The following EBF2 variants were observed in gnomAD, a reference collection of about 807,000 sequenced individuals.
EBF2 encodes transcription factor COE2.
In EBF2, 21 loss-of-function variants were observed where a neutral mutation model predicts 72.8. That is an observed-to-expected ratio of 0.29 (90% confidence interval 0.20 to 0.42). The LOEUF (loss-of-function observed/expected upper bound fraction) is 0.42, where lower values mean the gene tolerates loss of function less well. Among genes scored for constraint, EBF2 ranks in the 10% least tolerant of loss-of-function variants. The pLI, the probability that EBF2 is intolerant of heterozygous loss-of-function variation, is 1.00. For synonymous variants in EBF2, 299 were observed against 274.2 expected, an observed-to-expected ratio of 1.09 and a Z score of -0.89; for missense variants, 637 against 731.2, an observed-to-expected ratio of 0.87 and a Z score of 1.49.
intron 6 of EBF2, among the ~76,000 whole-genome samples, chr8:25,919,174 A>C (rs1803270584): frequency 6.6e-6 from 1 of 152,206 alleles, no homozygotes; most frequent in African/African-American, 2.4e-5. Context: ...AGAGTTTTCC[A>C]ACCAAGCATC....
rs372390604 is a variant in EBF2 at position 25,928,754 on chromosome 8, A to G, written c.552-20199T>C. The stretch of plus-strand genomic sequence containing the variant: ...GTCAGGCACTAGGCTACATGGGATA[A>G]TGATTAATAATAAAATGATTTTTAA... On this transcript the variant is annotated intron_variant, in intron 6 of 15. Coordinates refer to ENST00000520164, the MANE Select transcript of EBF2 (RefSeq NM_022659.4). Among the ~76,000 whole-genome samples, 12 of 146,608 alleles carry G rather than the reference A, an allele frequency of 8.2e-5. No individual in the cohort carries two copies. The East Asian group carries it at 2.1e-3, about 25-fold the overall frequency.
At position 25,964,507 on chromosome 8, in the gene EBF2, G is replaced by A. The variant is rs554470210; in HGVS notation, c.552-55952C>T. 3.9e-5 allele frequency among the ~76,000 whole-genome samples: 6 copies of A among 152,246 alleles called. No homozygotes were observed. In the South Asian group the frequency reaches 6.2e-4, roughly 16 times the overall value. On this transcript the variant is annotated intron_variant, in intron 6 of 15. Coordinates refer to ENST00000520164, the MANE Select transcript of EBF2 (RefSeq NM_022659.4). The stretch of plus-strand genomic sequence containing the variant: ...GAGAACAATGTATCCTTCTCAATCT[G>A]GGTCGAGGGAACAAAACAGGACTGG...
At chr8:25,933,726 ATAAT>A (rs1345756986) in intron 6 of EBF2, among the ~76,000 whole-genome samples, 1 of 152,218 alleles carries the variant, frequency 6.6e-6, no homozygotes, top group Non-Finnish European at 1.5e-5. Flanking sequence ...GAAATACTAC[ATAAT>A]TATTTAAATT....
At chr8:26,013,202 A>G (rs987388027) in intron 6 of EBF2, among the ~76,000 whole-genome samples, 1 of 152,238 alleles carries the variant, frequency 6.6e-6, no homozygotes, top group Non-Finnish European at 1.5e-5. Context: ...ATAGATGTGA[A>G]TTAACTGATG....
intron 6 of EBF2, among the ~76,000 whole-genome samples, chr8:25,947,882 CT>C (rs1803798155): frequency 6.6e-6 from 1 of 152,234 alleles, no homozygotes; most frequent in Non-Finnish European, 1.5e-5. Context: ...CGGGGCAGAC[CT>C]TGATAAACAA....
rs371661499 is a variant in EBF2 at position 25,936,937 on chromosome 8, C to T, written c.552-28382G>A. Among the ~76,000 whole-genome samples the T allele has an allele frequency of 9.4e-5, 14 of 148,846 alleles. No homozygotes were observed. In the East Asian group the frequency reaches 2.1e-3, roughly 23 times the overall value. ...ATACCACACACAGTATAGTTCTTCT[C>T]CACTTAATTCCTATTAAAGACCGAT... is the stretch of plus-strand genomic sequence containing the variant. On this transcript the variant is annotated intron_variant, in intron 6 of 15. Coordinates refer to ENST00000520164, the MANE Select transcript of EBF2 (RefSeq NM_022659.4).
At chr8:25,955,293 A>C (rs1007683710) in intron 6 of EBF2, among the ~76,000 whole-genome samples, 4 of 152,188 alleles carry the variant, frequency 2.6e-5, no homozygotes, top group African/African-American at 9.7e-5. Context: ...GGGGTATAAG[A>C]AGGGCCTAGA....
At chr8:25,886,377 A>T (rs1460870567) in intron 10 of EBF2, among the ~76,000 whole-genome samples, 1 of 152,232 alleles carries the variant, frequency 6.6e-6, no homozygotes, top group African/African-American at 2.4e-5. Context: ...AATACTTTGA[A>T]TTGCTCTCCA....
chr8:26,027,592 A>G (rs73675791), intron 6 of EBF2, among the ~76,000 whole-genome samples: 68 of 152,366 alleles, frequency 4.5e-4, no homozygotes, highest in African/African-American at 1.6e-3. Context: ...TGTAATTACC[A>G]TCTAGTCCAG....
At chr8:25,897,818 A>G (rs1563392869) in intron 7 of EBF2, among the ~76,000 whole-genome samples, 1 of 152,240 alleles carries the variant, frequency 6.6e-6, no homozygotes, top group Non-Finnish European at 1.5e-5. Flanking sequence ...TGCAGCAATG[A>G]ACATACAAAT....
At chr8:26,033,455 C>T (rs908185293) in intron 5 of EBF2, among the ~76,000 whole-genome samples, 2 of 152,190 alleles carry the variant, frequency 1.3e-5, no homozygotes, top group Non-Finnish European at 1.5e-5. Flanking sequence ...GTCTTGAACT[C>T]CTGACCTCAG....
rs1042720595 is a variant in EBF2, at chr8:25,902,437, G to A, written c.633+6037C>T. ...GGATTTAGATACTTTGAGGAGCCCT[G>A]GAAATCTTAAGTTTGTTTTCTCTTT... On this transcript the variant is annotated intron_variant, in intron 7 of 15. Transcript: ENST00000520164. 2.6e-5 allele frequency among the ~76,000 whole-genome samples: 4 copies of A among 151,984 alleles called. No homozygotes were observed. In the South Asian group the frequency reaches 6.2e-4, roughly 24 times the overall value.
intron 6 of EBF2, among the ~76,000 whole-genome samples, chr8:25,972,544 C>A (rs1351838507): frequency 6.6e-6 from 1 of 152,116 alleles, no homozygotes; most frequent in Non-Finnish European, 1.5e-5. Context: ...ACACAAAATC[C>A]TTGGATTATT....
chr8:26,032,081 C>G (rs1359257799), intron 6 of EBF2: 1 of 152,194 alleles, frequency 6.6e-6, no homozygotes, highest in Non-Finnish European at 1.5e-5. Flanking sequence ...TTGAAGCCTA[C>G]AGAAGTGACT....
chr8:26,026,197 AG>A (rs1225788822), intron 6 of EBF2, among the ~76,000 whole-genome samples: 1 of 152,082 alleles, frequency 6.6e-6, no homozygotes, highest in African/African-American at 2.4e-5. Flanking sequence ...TTTTTTTAAT[AG>A]CCTGGGGCCA....
At chr8:25,926,292 C>G (rs998521382) in intron 6 of EBF2, among the ~76,000 whole-genome samples, 7 of 152,152 alleles carry the variant, frequency 4.6e-5, no homozygotes, top group Non-Finnish European at 1.0e-4. Context: ...GCTGGCTCCC[C>G]CACTTTCACT....
chr8:25,857,185 G>C (rs1262093172), intron 14 of EBF2, among the ~76,000 whole-genome samples: 2 of 152,078 alleles, frequency 1.3e-5, no homozygotes, highest in African/African-American at 4.8e-5. Context: ...TTTGCAGTAA[G>C]AAGATTTTCA....
At chr8:25,866,535 T>C (rs1319765839) in intron 10 of EBF2, among the ~76,000 whole-genome samples, 3 of 143,446 alleles carry the variant, frequency 2.1e-5, no homozygotes, top group Non-Finnish European at 4.5e-5. Flanking sequence ...AAATATATAA[T>C]ATATATTATA....
At chr8:25,993,372 C>T (rs188847491) in intron 6 of EBF2, among the ~76,000 whole-genome samples, 1 of 152,358 alleles carries the variant, frequency 6.6e-6, no homozygotes, top group Non-Finnish European at 1.5e-5. Flanking sequence ...CTAACAGCCC[C>T]TATGCAGTTT....
Sources: allele counts gnomAD v4.1 joint callset (sites outside exome capture counted in the v4.1 genomes callset), GRCh38; gene constraint gnomAD v4.1.1; transcripts MANE v1.5; gene names NCBI Gene and HGNC (gene_info 2026-07-23, HGNC 2026-07-21).